ATXN8OS: variants seen among roughly 807,000 people sequenced by gnomAD.
ATXN8OS encodes ATXN8 opposite strand lncRNA.
At chr13:70,109,316 G>A (rs2137465586) in intron 1 of ATXN8OS, among the ~76,000 whole-genome samples, 1 of 152,270 alleles carries the variant, frequency 6.6e-6, no homozygotes, top group South Asian at 2.1e-4. Context: ...GAACCCAGTA[G>A]TCTTTGTTGA....
chr13:70,163,771 A>G (rs151233070), intron 4 of ATXN8OS, among the ~76,000 whole-genome samples: 3,550 of 151,816 alleles, frequency 0.023, 61 homozygotes, highest in African/African-American at 0.041. Context: ...ATAAATTTCA[A>G]AAATATTTGG....
intron 3 of ATXN8OS, chr13:70,131,262 C>T (rs1888529554): frequency 2.5e-6 from 1 of 398,240 alleles, no homozygotes; most frequent in African/African-American, 2.1e-5. Flanking sequence ...TCTTCATTTC[C>T]AACACTCCTA....
chr13:70,136,930 A>G (rs1888624613), intron 3 of ATXN8OS, among the ~76,000 whole-genome samples: 1 of 152,184 alleles, frequency 6.6e-6, no homozygotes, highest in African/African-American at 2.4e-5. Context: ...TCCACATCAC[A>G]GACAAGATTC....
Position 70,167,207 on chromosome 13 carries a change from A to G in ATXN8OS, n.574-2546A>G, listed in dbSNP as rs1232755985. On this transcript the variant is annotated intron_variant and non_coding_transcript_variant, in intron 4 of 4. Transcript: ENST00000678624. The stretch of plus-strand genomic sequence containing the variant: ...TTATAAATCATGCTGCTATAAAGAC[A>G]CATGCACATGTATGTTTATTGTGTC... Among the ~76,000 whole-genome samples, 2 of 152,186 alleles carry G rather than the reference A, an allele frequency of 1.3e-5. 1 individual carries two copies. Among genetic ancestry groups the G allele is most frequent in the Middle Eastern group, 6.3e-3 (2 of 316 alleles).
chr13:70,121,036 C>T (rs1007408352), intron 2 of ATXN8OS, among the ~76,000 whole-genome samples: 9 of 150,808 alleles, frequency 6.0e-5, no homozygotes, highest in African/African-American at 1.7e-4. Context: ...CTAACCTGCA[C>T]GTTGTGCACA....
intron 3 of ATXN8OS, among the ~76,000 whole-genome samples, chr13:70,135,865 G>A (rs1001929084): frequency 6.6e-6 from 1 of 152,140 alleles, no homozygotes; most frequent in Non-Finnish European, 1.5e-5. Flanking sequence ...ACTACCAGTG[G>A]TAAATGGATG....
chr13:70,109,679 T>G (rs1390876277), intron 1 of ATXN8OS, among the ~76,000 whole-genome samples: 1 of 152,204 alleles, frequency 6.6e-6, no homozygotes, highest in African/African-American at 2.4e-5. Context: ...TCTCTCAGTA[T>G]TCAGTGATTT....
At chr13:70,129,846 T>G (rs934628874) in exon 3 of ATXN8OS, 1 of 398,282 alleles carries the variant, frequency 2.5e-6, no homozygotes, top group Non-Finnish European at 4.4e-6. Context: ...GAAGTTGAAG[T>G]GTTGAGAAGA....
At chr13:70,162,441 T>A (rs1334050546) in intron 4 of ATXN8OS, among the ~76,000 whole-genome samples, 1 of 152,002 alleles carries the variant, frequency 6.6e-6, no homozygotes, top group Non-Finnish European at 1.5e-5. Context: ...TAAGCACACT[T>A]GCTCTTTTTC....
At chr13:70,148,009 G>A (rs1413187043) in intron 4 of ATXN8OS, among the ~76,000 whole-genome samples, 5 of 152,182 alleles carry the variant, frequency 3.3e-5, no homozygotes, top group Non-Finnish European at 5.9e-5. Context: ...GGTTGAAGGA[G>A]TTAAGCTCTG....
At chr13:70,130,479 TTATTGTGATAAGCC>T (rs1161237606) in intron 3 of ATXN8OS, among the ~76,000 whole-genome samples, 1 of 152,152 alleles carries the variant, frequency 6.6e-6, no homozygotes, top group African/African-American at 2.4e-5. Flanking sequence ...AATGTAAACT[TTATTGTGATAAGCC>T]TATTGCAGGA....
intron 3 of ATXN8OS, among the ~76,000 whole-genome samples, chr13:70,142,933 T>A (rs1192106665): frequency 6.6e-6 from 1 of 151,916 alleles, no homozygotes; most frequent in South Asian, 2.1e-4. Flanking sequence ...ATTAGTCTGG[T>A]GTGGTGGCAC....
intron 2 of ATXN8OS, among the ~76,000 whole-genome samples, chr13:70,128,762 A>G (rs1593762517): frequency 1.3e-5 from 2 of 151,966 alleles, no homozygotes; most frequent in East Asian, 3.9e-4. Context: ...TGAAGCCCTC[A>G]ATGTTCGTAT....
chr13:70,159,966 T>C (rs1001047448), intron 4 of ATXN8OS, among the ~76,000 whole-genome samples: 8 of 152,228 alleles, frequency 5.3e-5, no homozygotes, highest in Non-Finnish European at 1.2e-4. Flanking sequence ...TTTTAGTCAA[T>C]TATAAATAGA....
At chr13:70,133,145 C>CCTGT (rs1473838175) in intron 3 of ATXN8OS, among the ~76,000 whole-genome samples, 4 of 152,200 alleles carry the variant, frequency 2.6e-5, no homozygotes, top group Non-Finnish European at 5.9e-5. Context: ...GAGGCTCACG[C>CCTGT]CTGTAATCCT....
At chr13:70,109,944 AATAAC>A (rs555601650) in intron 1 of ATXN8OS, among the ~76,000 whole-genome samples, 3 of 152,222 alleles carry the variant, frequency 2.0e-5, no homozygotes, top group Non-Finnish European at 4.4e-5. Context: ...AATAATATAA[AATAAC>A]ATAAGTCAAG....
chr13:70,166,292 A>T (rs1486667450), intron 4 of ATXN8OS, among the ~76,000 whole-genome samples: 1 of 152,140 alleles, frequency 6.6e-6, no homozygotes, highest in African/African-American at 2.4e-5. Context: ...TAACCAAAAC[A>T]GCATGGTACT....
chr13:70,112,920 A>ATATATATTTTT (rs1555298511), intron 1 of ATXN8OS, among the ~76,000 whole-genome samples: 2 of 87,590 alleles, frequency 2.3e-5, no homozygotes, highest in African/African-American at 8.8e-5. Flanking sequence ...TATATATATA[A>ATATATATTTTT]TTTTTTTTTT....
chr13:70,141,907 G>GT (rs1329686007), intron 3 of ATXN8OS, among the ~76,000 whole-genome samples: 1 of 151,904 alleles, frequency 6.6e-6, no homozygotes, highest in Non-Finnish European at 1.5e-5. Context: ...TTGAAACAGA[G>GT]TTTTTTGCTT....
Sources: allele counts gnomAD v4.1 joint callset (sites outside exome capture counted in the v4.1 genomes callset), GRCh38; gene constraint gnomAD v4.1.1; transcripts MANE v1.5; gene names NCBI Gene and HGNC (gene_info 2026-07-23, HGNC 2026-07-21).